The following DLEC1 variants were observed in gnomAD, a reference collection of about 807,000 sequenced individuals.
DLEC1 encodes DLEC1 cilia and flagella associated protein.
Under a neutral mutation model 198.1 loss-of-function variants are expected in DLEC1, and 146 were observed. That is an observed-to-expected ratio of 0.74 (90% CI 0.64 to 0.85). The LOEUF (loss-of-function observed/expected upper bound fraction) is 0.85, where lower values mean the gene tolerates loss of function less well. Ranked by LOEUF, DLEC1 falls within the 40% of genes least tolerant of loss-of-function variation. DLEC1 has a pLI of 0.00. For missense variants in DLEC1, 2,233 were observed against 2,220.0 expected (o/e 1.01, Z -0.12); for synonymous variants, 897 against 866.8 (o/e 1.03, Z -0.61).
chr3:38,080,573 C>T (rs1280623453), intron 6 of DLEC1, among the ~76,000 whole-genome samples: 3 of 152,016 alleles, frequency 2.0e-5, no homozygotes, highest in South Asian at 2.1e-4. Flanking sequence ...TGCCGTTTTC[C>T]AGCTATTTGG....
rs1195877378 is a variant in DLEC1, at chr3:38,097,613, G to T, written c.2541G>T (p.Val847=). ...CEIEDSPSPV[V]LHIEAVFKGP... ...TCGAAGACTCGCCCTCGCCAGTGGT[G>T]TTACACATTGAGGCTGTCTTTAAGG... Residue 847 remains valine (V), a synonymous_variant, in exon 17 of 37, where the codon GTG becomes GTT. Coordinates refer to ENST00000308059, the MANE Select transcript of DLEC1 (RefSeq NM_007335.4). 1.9e-6 allele frequency: 3 copies of T among 1,614,118 alleles called. No homozygotes were observed. The highest frequency in any genetic ancestry group is 2.5e-6 in the Non-Finnish European group (3 of 1,180,046).
intron 14 of DLEC1, 90 bp from the exon 15 acceptor site, chr3:38,096,479 C>A: frequency 3.5e-6 from 5 of 1,417,726 alleles, no homozygotes; most frequent in Non-Finnish European, 4.7e-6. Flanking sequence ...TTTTTTTTTT[C>A]ACAAGGCCAA....
At chr3:38,046,246 G>C (rs912351742) in intron 2 of DLEC1, among the ~76,000 whole-genome samples, 61 of 152,254 alleles carry the variant, frequency 4.0e-4, no homozygotes, top group African/African-American at 1.5e-3. Context: ...CTTTGTGTGA[G>C]GTTGTGATTT....
chr3:38,077,536 A>G (rs931779763), intron 6 of DLEC1, among the ~76,000 whole-genome samples: 1 of 152,214 alleles, frequency 6.6e-6, no homozygotes, highest in East Asian at 1.9e-4. Context: ...TTGAAGACAG[A>G]GGACCGTAAG....
Position 38,048,366 on chromosome 3 carries a change from A to G in DLEC1, c.562+2673A>G, listed in dbSNP as rs570481263. Among the ~76,000 whole-genome samples, 5 of 152,368 alleles carry G rather than the reference A, an allele frequency of 3.3e-5. No homozygotes were observed. The South Asian group carries it at 1.0e-3, about 32-fold the overall frequency. ...TCATTTTCCAGTGCAGTAGACAGAA[A>G]AGACAGTATATTTAGGAGACCTGTT... On this transcript the variant is annotated intron_variant, in intron 2 of 36. Coordinates refer to ENST00000308059, the MANE Select transcript of DLEC1 (RefSeq NM_007335.4).
chr3:38,082,191 G>A (rs1356818864), intron 6 of DLEC1, among the ~76,000 whole-genome samples: 14 of 142,008 alleles, frequency 9.9e-5, no homozygotes, highest in East Asian at 6.6e-4. Context: ...CCACATCTCA[G>A]ACGATGGGCG....
At position 38,095,030 on chromosome 3, in the gene DLEC1, C is replaced by A; in HGVS notation, c.2071C>A (p.His691Asn). The A allele has an allele frequency of 6.2e-7, 1 of 1,614,236 alleles. No homozygotes were observed. Among genetic ancestry groups the A allele is most frequent in the East Asian group, 2.2e-5 (1 of 44,886 alleles). Residue 691 changes from histidine (H) to asparagine (N), a missense_variant, in exon 13 of 37, where the codon CAC becomes AAC. Coordinates refer to ENST00000308059, the MANE Select transcript of DLEC1 (RefSeq NM_007335.4). Reference protein sequence around the residue: ...IMPRKGVLSPHTDHEFILSFS... With the variant: ...IMPRKGVLSPNTDHEFILSFS... ...GCCCAGAAAGGGGGTTCTAAGCCCC[C>A]ACACAGACCACGAGTTCATCCTGAG...
intron 5 of DLEC1, among the ~76,000 whole-genome samples, chr3:38,063,167 A>G (rs1170131016): frequency 6.6e-6 from 1 of 152,214 alleles, no homozygotes; most frequent in Non-Finnish European, 1.5e-5. Flanking sequence ...ATTTTTCTTT[A>G]AGAGTGCCTT....
rs753061594 is a variant in DLEC1, at chr3:38,107,575, G to A, written c.2865-9G>A. The A allele has an allele frequency of 1.8e-5, 28 of 1,591,272 alleles. No homozygotes were observed. Among genetic ancestry groups the A allele is most frequent in the East Asian group, 2.3e-5 (1 of 44,056 alleles). Reference sequence around the variant, plus strand: ...TAATCAGTATGCCTTTTGTTTCCTCGTGTTCCAGCTACCTTCCTGTGTATG... The same window carrying A: ...TAATCAGTATGCCTTTTGTTTCCTCATGTTCCAGCTACCTTCCTGTGTATG... On this transcript the variant is annotated splice_polypyrimidine_tract_variant and intron_variant, in intron 19 of 36. Transcript: ENST00000308059.
At chr3:38,114,929 C>T (rs1484288407) in intron 26 of DLEC1, 54 bp from the exon 27 acceptor site, 1 of 1,544,766 alleles carries the variant, frequency 6.5e-7, no homozygotes, top group Non-Finnish European at 8.9e-7. Context: ...TCCTCCCTAC[C>T]TGCAAGGTGT....
intron 23 of DLEC1, 46 bp downstream of exon 23, chr3:38,110,327 G>C (rs752913104): frequency 6.2e-7 from 1 of 1,607,072 alleles, no homozygotes; most frequent in Non-Finnish European, 8.5e-7. Flanking sequence ...AAGCTGGATG[G>C]GGTGTACCCT....
At chr3:38,097,376 T>C in intron 16 of DLEC1, 101 bp downstream of exon 16, 1 of 1,543,164 alleles carries the variant, frequency 6.5e-7, no homozygotes, top group Non-Finnish European at 8.8e-7. Context: ...TGGTGTCCTG[T>C]GACTGCTCTG....
At chr3:38,111,990 T>C (rs202206) in intron 24 of DLEC1, among the ~76,000 whole-genome samples, 3 of 152,080 alleles carry the variant, frequency 2.0e-5, no homozygotes, top group Admixed American at 6.5e-5. Flanking sequence ...AGGGCTCCCA[T>C]GGGGACCCAG....
chr3:38,079,793 C>T (rs558280986), intron 6 of DLEC1, among the ~76,000 whole-genome samples: 17 of 152,202 alleles, frequency 1.1e-4, no homozygotes, highest in African/African-American at 3.4e-4. Flanking sequence ...GCGGTTCAGG[C>T]GTTTGGAAGT....
rs765434341 is a variant in DLEC1 at position 38,112,194 on chromosome 3, C to T, written c.3515-16C>T. ...CCCAGGCCCGTGAATCCCCCACAGTCGCGGTTCTTTCCCAGATTTTATGGA... is the reference window on the plus strand; with the variant it reads ...CCCAGGCCCGTGAATCCCCCACAGTTGCGGTTCTTTCCCAGATTTTATGGA... On this transcript the variant is annotated splice_polypyrimidine_tract_variant and intron_variant, in intron 24 of 36. Coordinates refer to ENST00000308059, the MANE Select transcript of DLEC1 (RefSeq NM_007335.4). This position sits in a 1 kb window ranked among gnomAD's most constrained non-coding sequence, Gnocchi z 4.8. 3 of 1,613,948 alleles carry T rather than the reference C, an allele frequency of 1.9e-6. No homozygotes were observed. The highest frequency in any genetic ancestry group is 1.1e-5 in the South Asian group (1 of 91,040).
chr3:38,121,936 C>T, intron 35 of DLEC1, 135 bp from the exon 36 acceptor site: 8 of 1,512,460 alleles, frequency 5.3e-6, no homozygotes, highest in East Asian at 2.3e-5. Context: ...CCCCCAATCC[C>T]ACATGATCTC....
intron 1 of DLEC1, 80 bp downstream of exon 1, chr3:38,039,716 A>G: frequency 6.7e-7 from 1 of 1,496,190 alleles, no homozygotes; most frequent in Middle Eastern, 2.0e-4. Context: ...GCCAGGTGCC[A>G]GGCGCTGTTC....
chr3:38,086,454 G>A, intron 9 of DLEC1, 77 bp downstream of exon 9: 3 of 1,516,976 alleles, frequency 2.0e-6, no homozygotes, highest in Middle Eastern at 3.5e-4. Flanking sequence ...ACTTACTAGA[G>A]TATACCTATG....
rs949895415 is a variant in DLEC1, at chr3:38,045,800, G to A, written c.562+107G>A. 118 of 1,163,314 alleles carry A rather than the reference G, an allele frequency of 1.0e-4. No individual in the cohort carries two copies. In the South Asian group the frequency reaches 1.8e-3, roughly 17 times the overall value. The allele number at this position is 1,163,314 out of a possible 1,614,324, so 72.1% of individuals were successfully genotyped here. A position where few individuals can be genotyped will look rare whatever the true frequency, so the allele number is the denominator to read the frequency against. On this transcript the variant is annotated intron_variant, in intron 2 of 36. Coordinates refer to ENST00000308059, the MANE Select transcript of DLEC1 (RefSeq NM_007335.4). ...TAGGCTTTTTCTGGATATTTGGAGA[G>A]CAAGTCGCAGACATGATAATATGAA...
Sources: gnomAD v4.1 joint callset for allele counts (sites outside exome capture counted in the v4.1 genomes callset) on GRCh38, gnomAD v4.1.1 for gene constraint, Gnocchi (gnomAD v3.1) non-coding constraint, MANE v1.5 for transcripts, NCBI Gene and HGNC (gene_info 2026-07-23, HGNC 2026-07-21) for gene names.